The following ADGRL3 variants were observed in gnomAD, a reference collection of about 807,000 sequenced individuals.
ADGRL3 encodes calcium-independent alpha-latrotoxin receptor 3.
ADGRL3 carries 62 observed loss-of-function variants against 153.5 expected under a neutral mutation model. The observed-to-expected ratio is 0.40, with a 90% CI of 0.33 to 0.50. ADGRL3 has a LOEUF of 0.50. Ranked by LOEUF, ADGRL3 falls within the 20% of genes least tolerant of loss-of-function variation. ADGRL3 has a pLI of 0.47. For synonymous variants in ADGRL3, 710 were observed against 672.5 expected, an observed-to-expected ratio of 1.06 and a Z score of -0.86; for missense variants, 1,641 against 1,859.4, an observed-to-expected ratio of 0.88 and a Z score of 2.16.
intron 3 of ADGRL3, among the ~76,000 whole-genome samples, chr4:61,504,306 A>G (rs2098412599): frequency 6.6e-6 from 1 of 152,130 alleles, no homozygotes; most frequent in Admixed American, 6.5e-5. Context: ...CCTTTTACTC[A>G]TGTATTTGAT....
At chr4:61,238,005 A>G (rs1753479524) in intron 1 of ADGRL3, among the ~76,000 whole-genome samples, 1 of 152,178 alleles carries the variant, frequency 6.6e-6, no homozygotes, top group African/African-American at 2.4e-5. Flanking sequence ...TTGGAGGCCT[A>G]CAACTTTCTC....
intron 12 of ADGRL3, among the ~76,000 whole-genome samples, chr4:61,912,162 A>G (rs1298649457): frequency 1.3e-5 from 2 of 152,180 alleles, no homozygotes; most frequent in East Asian, 1.9e-4. Context: ...GTAGCTAGTT[A>G]TCTCTAGTAT....
intron 1 of ADGRL3, among the ~76,000 whole-genome samples, chr4:61,346,074 T>C (rs1056900958): frequency 6.6e-6 from 1 of 152,034 alleles, no homozygotes; most frequent in Non-Finnish European, 1.5e-5. Flanking sequence ...CTGAAATAGA[T>C]ATAAACAAAT....
chr4:62,036,766 AT>A (rs1725230988), intron 23 of ADGRL3, among the ~76,000 whole-genome samples: 1 of 152,090 alleles, frequency 6.6e-6, no homozygotes, highest in Non-Finnish European at 1.5e-5. Flanking sequence ...GTTTATATAC[AT>A]GATGTTGTTT....
chr4:61,950,424 C>A (rs1405719161), intron 17 of ADGRL3, among the ~76,000 whole-genome samples: 1 of 152,084 alleles, frequency 6.6e-6, no homozygotes, highest in Non-Finnish European at 1.5e-5. Context: ...TTGTGAAGAA[C>A]ATTTCAATCA....
intron 6 of ADGRL3, among the ~76,000 whole-genome samples, chr4:61,715,947 TAAA>T (rs59481591): frequency 3.9e-3 from 329 of 85,370 alleles, no homozygotes; most frequent in African/African-American, 0.011. Context: ...GCCCTTAAAG[TAAA>T]AAAAAAAAAA....
intron 17 of ADGRL3, among the ~76,000 whole-genome samples, chr4:61,962,658 C>A (rs935331840): frequency 4.6e-5 from 7 of 151,958 alleles, no homozygotes; most frequent in Non-Finnish European, 1.0e-4. Context: ...CTGTATCCTT[C>A]CCATTGCATC....
At position 61,767,557 on chromosome 4, in the gene ADGRL3, A is replaced by G. The variant is rs373439847; in HGVS notation, c.1399+34003A>G. Among the ~76,000 whole-genome samples, 14 of 152,172 alleles carry G rather than the reference A, an allele frequency of 9.2e-5. No individual in the cohort carries two copies. In the East Asian group the frequency reaches 2.1e-3, roughly 23 times the overall value. On this transcript the variant is annotated intron_variant, in intron 8 of 26. Transcript: ENST00000683033. ...GCTTCCGAGGCAATCGGGCAGTGTC[A>G]GTCTTCAGCCGGTAAGCCAAGAAGG...
intron 8 of ADGRL3, among the ~76,000 whole-genome samples, chr4:61,769,033 G>A (rs2097046731): frequency 6.7e-6 from 1 of 149,572 alleles, no homozygotes; most frequent in African/African-American, 2.5e-5. Context: ...GCCGCTAAGG[G>A]TGAAGGAGAA....
intron 9 of ADGRL3, among the ~76,000 whole-genome samples, chr4:61,832,518 GA>G (rs1248319892): frequency 6.6e-6 from 1 of 152,174 alleles, no homozygotes; most frequent in Non-Finnish European, 1.5e-5. Flanking sequence ...AGTGCTTCCA[GA>G]AAGACCATCA....
At chr4:61,505,965 G>A (rs960653848) in intron 3 of ADGRL3, among the ~76,000 whole-genome samples, 6 of 151,956 alleles carry the variant, frequency 3.9e-5, no homozygotes, top group Middle Eastern at 3.2e-3. Flanking sequence ...ACCATATTTA[G>A]GAAGCATTGC....
intron 4 of ADGRL3, among the ~76,000 whole-genome samples, chr4:61,534,375 G>A (rs1004992960): frequency 2.0e-5 from 3 of 152,234 alleles, no homozygotes; most frequent in South Asian, 2.1e-4. Flanking sequence ...GAAATGTGAT[G>A]TCTCCAGCTT....
At chr4:61,317,285 TAC>T (rs1340301662) in intron 1 of ADGRL3, among the ~76,000 whole-genome samples, 2 of 152,224 alleles carry the variant, frequency 1.3e-5, no homozygotes, top group Non-Finnish European at 2.9e-5. Context: ...TAGCTATTTG[TAC>T]TGCTAAAGAA....
intron 6 of ADGRL3, among the ~76,000 whole-genome samples, chr4:61,703,477 A>G (rs1387933744): frequency 2.6e-5 from 4 of 152,156 alleles, no homozygotes; most frequent in African/African-American, 9.6e-5. Flanking sequence ...TTTTACATAA[A>G]CATCCTGTGT....
intron 3 of ADGRL3, among the ~76,000 whole-genome samples, chr4:61,507,357 T>C (rs1356851036): frequency 6.6e-6 from 1 of 152,132 alleles, no homozygotes. Context: ...TATTAGAGGT[T>C]ACAGGCTGTT....
intron 1 of ADGRL3, among the ~76,000 whole-genome samples, chr4:61,303,699 T>A (rs2094665499): frequency 6.6e-6 from 1 of 152,290 alleles, no homozygotes. Context: ...TTAAAGTTAG[T>A]ACAGCTTTCC....
chr4:61,755,618 G>A (rs927651388), intron 8 of ADGRL3, among the ~76,000 whole-genome samples: 9 of 152,260 alleles, frequency 5.9e-5, no homozygotes, highest in Admixed American at 3.3e-4. Context: ...AAGCTCTTTA[G>A]TTTAATTAGA....
At chr4:61,875,789 T>C (rs1219228258) in intron 9 of ADGRL3, among the ~76,000 whole-genome samples, 2 of 152,260 alleles carry the variant, frequency 1.3e-5, no homozygotes, top group Non-Finnish European at 2.9e-5. Flanking sequence ...CTGTAAGGCA[T>C]ATTCTGTGGT....
intron 1 of ADGRL3, among the ~76,000 whole-genome samples, chr4:61,321,671 T>A (rs2150764693): frequency 6.6e-6 from 1 of 151,758 alleles, no homozygotes; most frequent in Admixed American, 6.6e-5. Context: ...ATACTGAAGA[T>A]AATTGTAACA....
Sources: allele counts gnomAD v4.1 joint callset (sites outside exome capture counted in the v4.1 genomes callset), GRCh38; gene constraint gnomAD v4.1.1; transcripts MANE v1.5; gene names NCBI Gene and HGNC (gene_info 2026-07-23, HGNC 2026-07-21).